SYTL5: variants seen among roughly 807,000 people sequenced by gnomAD.
The protein encoded by SYTL5 is synaptotagmin-like protein 5.
SYTL5 carries 34 observed loss-of-function variants against 55.9 expected under a neutral mutation model. The ratio of observed to expected loss-of-function variants is 0.61; its 90% confidence interval spans 0.46 to 0.81. SYTL5 has a LOEUF of 0.81. Among genes scored for constraint, SYTL5 ranks in the 30% least tolerant of loss-of-function variants. The pLI, the probability that SYTL5 is intolerant of heterozygous loss-of-function variation, is 0.00. For synonymous variants in SYTL5, 221 were observed against 188.7 expected, an observed-to-expected ratio of 1.17 and a Z score of -1.40; for missense variants, 637 against 546.7, an observed-to-expected ratio of 1.17 and a Z score of -1.65.
the SYTL5 span, among the ~76,000 whole-genome samples, chrX:37,972,192 A>T: frequency 9.0e-6 from 1 of 111,108 alleles, no homozygotes; most frequent in South Asian, 3.9e-4. Context: ...CTCTTCAGAG[A>T]TGAAAAACTC....
chrX:38,052,753 C>T (rs187888450), intron 2 of SYTL5, among the ~76,000 whole-genome samples: 10 of 111,877 alleles, frequency 8.9e-5, no homozygotes, highest in Admixed American at 6.7e-4. Context: ...AAGTTTAACA[C>T]CACAAATGTA....
rs1395856622 is a variant in SYTL5, at chrX:38,101,239, G to A, written c.1063-1103G>A. Reference sequence around the variant, plus strand: ...GTTAAAATATTAATTATTCCCGAGGGGAGAAGGGGCTTGTGATATGGACAG... The same window carrying A: ...GTTAAAATATTAATTATTCCCGAGGAGAGAAGGGGCTTGTGATATGGACAG... On this transcript the variant is annotated intron_variant, in intron 9 of 16. Coordinates refer to ENST00000297875, the MANE Select transcript of SYTL5 (RefSeq NM_138780.3). Among the ~76,000 whole-genome samples the A allele has an allele frequency of 8.1e-5, 9 of 110,976 alleles. No individual in the cohort carries two copies. In the Admixed American group the frequency reaches 8.6e-4, roughly 11 times the overall value.
chrX:38,097,608 A>G (rs904871007), intron 9 of SYTL5, among the ~76,000 whole-genome samples: 2 of 110,861 alleles, frequency 1.8e-5, no homozygotes, highest in Non-Finnish European at 3.8e-5. Flanking sequence ...AGAAGATTCA[A>G]TATTTTTAAG....
At chrX:37,921,390 C>T in the SYTL5 span, among the ~76,000 whole-genome samples, 2 of 110,651 alleles carry the variant, frequency 1.8e-5, no homozygotes, top group Admixed American at 9.7e-5. Flanking sequence ...ATTACAGATC[C>T]GGGAACCTCT....
At chrX:38,038,556 G>T (rs774684337) in intron 2 of SYTL5, among the ~76,000 whole-genome samples, 4 of 112,174 alleles carry the variant, frequency 3.6e-5, no homozygotes, top group Non-Finnish European at 5.6e-5. Flanking sequence ...ATTTTGGGGG[G>T]AGTCTAAAGG....
chrX:37,920,834 A>G, the SYTL5 span, among the ~76,000 whole-genome samples: 2 of 111,732 alleles, frequency 1.8e-5, no homozygotes, highest in Non-Finnish European at 3.8e-5. Flanking sequence ...GATGCCTAGA[A>G]CATCTAGCAC....
chrX:37,893,690 A>G, the SYTL5 span, among the ~76,000 whole-genome samples: 1 of 68,870 alleles, frequency 1.5e-5, no homozygotes, highest in Non-Finnish European at 2.3e-5. Context: ...GATAAACTAT[A>G]GATTATATAT....
the SYTL5 span, among the ~76,000 whole-genome samples, chrX:37,984,039 G>A: frequency 9.0e-6 from 1 of 111,525 alleles, no homozygotes; most frequent in African/African-American, 3.2e-5. Flanking sequence ...TATTTAAAAG[G>A]AAAGAGGATC....
chrX:38,102,310 C>A, intron 9 of SYTL5, 32 bp from the exon 10 acceptor site: 1 of 1,003,516 alleles, frequency 1.0e-6, no homozygotes, highest in East Asian at 3.1e-5. Flanking sequence ...AACAAATCAA[C>A]CAACCCACTG....
intron 6 of SYTL5, among the ~76,000 whole-genome samples, chrX:38,084,276 C>T (rs1283521695): frequency 8.9e-6 from 1 of 112,281 alleles, no homozygotes; most frequent in Non-Finnish European, 1.9e-5. Context: ...ACTCTGCAGT[C>T]CTATCCCCAT....
chrX:38,125,474 T>A lies in SYTL5; in HGVS notation c.2018T>A (p.Phe673Tyr). ...AAGGAGGCCTTTTCCAGCAACATCT[T>A]TCTGGGAGGAGTTCGTTTGAATTCT... The part of the protein sequence containing the change: ...WDKEAFSSNI[F>Y]LGGVRLNSGS... The change falls in exon 16 of 17, where the codon TTT becomes TAT. Residue 673 changes from phenylalanine to tyrosine, a missense_variant. Coordinates refer to ENST00000297875, the MANE Select transcript of SYTL5 (RefSeq NM_138780.3). 1 of 1,211,621 alleles carries A rather than the reference T, an allele frequency of 8.3e-7. No homozygotes were observed. The highest frequency in any genetic ancestry group is 1.1e-6 in the Non-Finnish European group (1 of 895,289).
chrX:38,042,801 G>A (rs933902631), intron 2 of SYTL5, among the ~76,000 whole-genome samples: 5 of 111,555 alleles, frequency 4.5e-5, no homozygotes, highest in African/African-American at 1.6e-4. Flanking sequence ...AGCTCATAAG[G>A]GAATATCTAA....
At chrX:38,078,265 T>C (rs1166313932) in intron 6 of SYTL5, among the ~76,000 whole-genome samples, 1 of 92,120 alleles carries the variant, frequency 1.1e-5, no homozygotes, top group Non-Finnish European at 2.1e-5. Context: ...TTTTTGTTTT[T>C]GTTTTTTTTT....
At chrX:38,045,297 C>T (rs1206668388) in intron 2 of SYTL5, among the ~76,000 whole-genome samples, 3 of 112,308 alleles carry the variant, frequency 2.7e-5, no homozygotes, top group African/African-American at 6.5e-5. Flanking sequence ...TATATGAGCA[C>T]ATTTAATGTT....
the SYTL5 span, among the ~76,000 whole-genome samples, chrX:37,988,469 G>A: frequency 8.9e-6 from 1 of 112,484 alleles, no homozygotes; most frequent in Non-Finnish European, 1.9e-5. Flanking sequence ...TTTGGTCCCT[G>A]GAAGTGGGTT....
the SYTL5 span, among the ~76,000 whole-genome samples, chrX:37,995,269 A>G: frequency 2.7e-5 from 3 of 111,515 alleles, 1 homozygote; most frequent in African/African-American, 9.8e-5. Flanking sequence ...TCAGGATAAC[A>G]AAGGTCTGAA....
At chrX:37,956,576 A>G in the SYTL5 span, among the ~76,000 whole-genome samples, 1 of 112,511 alleles carries the variant, frequency 8.9e-6, no homozygotes, top group Non-Finnish European at 1.9e-5. Context: ...TCCACTTAGC[A>G]TAACGTCCAC....
rs59575156 is a variant in SYTL5 at position 38,020,408 on chromosome X, CATATATATATATATATATATAT to C, written c.-356-13105_-356-13084del. Among the ~76,000 whole-genome samples the C allele has an allele frequency of 6.0e-3, 351 of 58,565 alleles. 2 individuals are homozygous for C. In the East Asian group the frequency reaches 0.084, roughly 14 times the overall value. The allele number at this position is 58,565 out of a possible 115,157, so 50.9% of individuals were successfully genotyped here. On this transcript the variant is annotated intron_variant, in intron 1 of 16. Transcript: ENST00000297875. ...CTTCTATAATACATATATGTGTGTG[CATATATATATATATATATATAT>C]ATATATATATATATATATATTTCTT...
chrX:38,016,438 C>A (rs1350671166), intron 1 of SYTL5, among the ~76,000 whole-genome samples: 1 of 111,605 alleles, frequency 9.0e-6, no homozygotes, highest in Non-Finnish European at 1.9e-5. Flanking sequence ...GAATCCTAAC[C>A]AAGTATGAGG....
Sources: gnomAD v4.1 joint callset for allele counts (sites outside exome capture counted in the v4.1 genomes callset) on GRCh38, gnomAD v4.1.1 for gene constraint, MANE v1.5 for transcripts, NCBI Gene and HGNC (gene_info 2026-07-23, HGNC 2026-07-21) for gene names.